Variants in EYS observed in about 807,000 individuals in gnomAD.
EYS encodes EGF-like photoreceptor maintenance factor, also known as protein eyes shut homolog.
Under a neutral mutation model 282.1 loss-of-function variants are expected in EYS, and 250 were observed. The observed-to-expected ratio is 0.89, with a 90% confidence interval of 0.80 to 0.98. EYS has a LOEUF of 0.98. Among genes scored for constraint, EYS ranks in the 50% least tolerant of loss-of-function variants. The pLI is 0.00. For missense variants in EYS, 4,016 were observed against 3,709.0 expected, an observed-to-expected ratio of 1.08 and a Z score of -2.15; for synonymous variants, 1,355 against 1,282.9, an observed-to-expected ratio of 1.06 and a Z score of -1.20.
intron 29 of EYS, among the ~76,000 whole-genome samples, chr6:64,355,721 C>T (rs907922964): frequency 1.3e-5 from 2 of 151,544 alleles, no homozygotes; most frequent in African/African-American, 2.4e-5. Flanking sequence ...CTGAGTGTCT[C>T]CTGTGCACAA....
At chr6:65,277,429 CAA>C (rs369210712) in intron 12 of EYS, among the ~76,000 whole-genome samples, 4 of 58,176 alleles carry the variant, frequency 6.9e-5, no homozygotes, top group African/African-American at 4.5e-5. Context: ...GAGATTCCGT[CAA>C]AAAAAAAAAA....
At chr6:63,988,745 G>A (rs1449418349) in intron 34 of EYS, among the ~76,000 whole-genome samples, 1 of 151,628 alleles carries the variant, frequency 6.6e-6, no homozygotes, top group African/African-American at 2.4e-5. Context: ...GACAATCAAG[G>A]AGGAATCATG....
At chr6:63,761,098 C>T (rs993612336) in intron 41 of EYS, among the ~76,000 whole-genome samples, 1 of 146,904 alleles carries the variant, frequency 6.8e-6, no homozygotes, top group Non-Finnish European at 1.5e-5. Flanking sequence ...AGATACTCAA[C>T]AGACATGGTC....
intron 13 of EYS, among the ~76,000 whole-genome samples, chr6:65,023,178 A>T (rs1772299633): frequency 6.6e-6 from 1 of 152,258 alleles, no homozygotes; most frequent in Admixed American, 6.5e-5. Flanking sequence ...TGAATATTGA[A>T]TTTTATCTCA....
intron 12 of EYS, among the ~76,000 whole-genome samples, chr6:65,171,380 T>G (rs1231649063): frequency 1.3e-5 from 2 of 151,596 alleles, no homozygotes; most frequent in Non-Finnish European, 3.0e-5. Flanking sequence ...TTGTATTAAT[T>G]GCTGATCTTC....
intron 12 of EYS, among the ~76,000 whole-genome samples, chr6:65,113,923 CT>C (rs759783620): frequency 1.8e-4 from 28 of 151,976 alleles, no homozygotes; most frequent in Non-Finnish European, 3.2e-4. Flanking sequence ...TACAGAGGCA[CT>C]GTCAAATGGC....
chr6:64,983,250 C>T (rs1770740903), intron 14 of EYS, among the ~76,000 whole-genome samples: 1 of 150,888 alleles, frequency 6.6e-6, no homozygotes, highest in South Asian at 2.1e-4. Flanking sequence ...GAATAATGTA[C>T]AATATGAAGT....
chr6:64,325,361 G>C (rs186382164), intron 29 of EYS, among the ~76,000 whole-genome samples: 9 of 148,354 alleles, frequency 6.1e-5, no homozygotes, highest in African/African-American at 2.1e-4. Context: ...CATAGGAAAA[G>C]GGGGAGAGAA....
At chr6:64,690,626 T>C (rs917022614) in intron 22 of EYS, among the ~76,000 whole-genome samples, 10 of 152,108 alleles carry the variant, frequency 6.6e-5, no homozygotes, top group African/African-American at 2.4e-4. Flanking sequence ...GTCACAAATA[T>C]ACAACATGGA....
chr6:64,318,677 T>C (rs555278803), intron 29 of EYS, among the ~76,000 whole-genome samples: 1 of 152,028 alleles, frequency 6.6e-6, no homozygotes, highest in Non-Finnish European at 1.5e-5. Context: ...AAATGCCTTT[T>C]CCAAACAAAT....
At chr6:64,802,269 T>A (rs1392532807) in intron 22 of EYS, among the ~76,000 whole-genome samples, 1 of 151,778 alleles carries the variant, frequency 6.6e-6, no homozygotes, top group Non-Finnish European at 1.5e-5. Flanking sequence ...GCCAGGATGG[T>A]CTCTAACTCC....
intron 35 of EYS, among the ~76,000 whole-genome samples, chr6:63,981,920 G>A (rs1361964403): frequency 1.3e-5 from 2 of 151,788 alleles, no homozygotes; most frequent in Non-Finnish European, 2.9e-5. Context: ...ATGTTTGTTG[G>A]AATAAGTCTA....
chr6:63,798,268 C>A (rs190975572), intron 37 of EYS, among the ~76,000 whole-genome samples: 3 of 152,184 alleles, frequency 2.0e-5, no homozygotes, highest in African/African-American at 7.2e-5. Context: ...CTCAGTCAGT[C>A]GGGAAAGTGA....
intron 31 of EYS, among the ~76,000 whole-genome samples, chr6:64,172,845 G>T (rs1387570650): frequency 6.6e-6 from 1 of 152,196 alleles, no homozygotes; most frequent in Non-Finnish European, 1.5e-5. Context: ...GATCAAGGTT[G>T]CAAGCTCCTT....
intron 35 of EYS, among the ~76,000 whole-genome samples, chr6:63,952,458 G>A (rs1048807908): frequency 2.0e-5 from 3 of 152,104 alleles, no homozygotes; most frequent in African/African-American, 7.2e-5. Context: ...TCAATATGGA[G>A]GCTACCAACT....
At chr6:64,114,714 G>A (rs150672910) in intron 31 of EYS, among the ~76,000 whole-genome samples, 3 of 152,230 alleles carry the variant, frequency 2.0e-5, no homozygotes, top group South Asian at 2.1e-4. Context: ...CATAGTAGGT[G>A]TGGATTTTCC....
intron 22 of EYS, among the ~76,000 whole-genome samples, chr6:64,755,505 C>G (rs200939168): frequency 0.033 from 4,175 of 127,156 alleles, 95 homozygotes; most frequent in Middle Eastern, 0.048. Context: ...CATACACACA[C>G]ACACACACAC....
chr6:65,275,944 C>A (rs188939793), intron 12 of EYS, among the ~76,000 whole-genome samples: 1 of 152,252 alleles, frequency 6.6e-6, no homozygotes, highest in African/African-American at 2.4e-5. Context: ...AATACCTTAT[C>A]ACCATCATGG....
intron 12 of EYS, among the ~76,000 whole-genome samples, chr6:65,255,599 G>T (rs941250644): frequency 4.6e-5 from 7 of 152,012 alleles, no homozygotes; most frequent in South Asian, 4.2e-4. Flanking sequence ...AAAAGTATTT[G>T]CAAACTACCC....
Sources: gnomAD v4.1 joint callset for allele counts (sites outside exome capture counted in the v4.1 genomes callset) on GRCh38, gnomAD v4.1.1 for gene constraint, MANE v1.5 for transcripts, NCBI Gene and HGNC (gene_info 2026-07-23, HGNC 2026-07-21) for gene names.